The following GALNTL6 variants were observed in gnomAD, a reference collection of about 807,000 sequenced individuals.
GALNTL6 encodes the protein polypeptide N-acetylgalactosaminyltransferase-like 6.
A neutral mutation model predicts 73.7 loss-of-function variants in GALNTL6; 46 were observed. That is an observed-to-expected ratio of 0.62 (90% CI 0.49 to 0.80). GALNTL6 has a LOEUF of 0.80. Ranked by LOEUF, GALNTL6 falls within the 30% of genes least tolerant of loss-of-function variation. The probability of loss-of-function intolerance (pLI) is 0.00; values close to 1 mark genes in which losing one functional copy is unlikely to be tolerated. For missense variants in GALNTL6, 604 were observed against 755.0 expected, an observed-to-expected ratio of 0.80 and a Z score of 2.34; for synonymous variants, 259 against 263.7, an observed-to-expected ratio of 0.98 and a Z score of 0.17.
chr4:172,336,670 G>T (rs1191246591), intron 4 of GALNTL6, among the ~76,000 whole-genome samples: 1 of 152,118 alleles, frequency 6.6e-6, no homozygotes, highest in Non-Finnish European at 1.5e-5. Context: ...AATGCATGTG[G>T]CCAGTCTTGG....
intron 11 of GALNTL6, among the ~76,000 whole-genome samples, chr4:173,018,907 T>C (rs1752884166): frequency 1.3e-5 from 2 of 152,144 alleles, no homozygotes; most frequent in Admixed American, 6.5e-5. Flanking sequence ...GATTTTAGAT[T>C]GAGAGGGAAC....
Position 171,832,808 on chromosome 4 carries a change from A to G in GALNTL6, c.138+18090A>G, listed in dbSNP as rs78390407. 7.9e-3 allele frequency among the ~76,000 whole-genome samples: 1,193 copies of G among 151,824 alleles called. 20 individuals are homozygous for G. The highest frequency in any genetic ancestry group is 0.027 in the African/African-American group (1,133 of 41,520). The stretch of plus-strand genomic sequence containing the variant: ...TAAAGTTAAAGGATAAAAGGTAAGT[A>G]GGTCTACACTAGCTGGTGGTAAGCA... On this transcript the variant is annotated intron_variant, in intron 2 of 12. Transcript: ENST00000506823.
chr4:171,821,640 GATATATAT>G (rs3080305), intron 2 of GALNTL6, among the ~76,000 whole-genome samples: 29 of 146,270 alleles, frequency 2.0e-4, no homozygotes, highest in African/African-American at 7.1e-4. Context: ...AGGCTTAACG[GATATATAT>G]ATATATATAT....
chr4:172,514,803 A>G (rs187592080), intron 5 of GALNTL6, among the ~76,000 whole-genome samples: 50 of 152,218 alleles, frequency 3.3e-4, no homozygotes, highest in Non-Finnish European at 6.0e-4. Flanking sequence ...TTCTACTTTT[A>G]TATTTTACTC....
chr4:172,845,991 G>A (rs536581543), intron 7 of GALNTL6, among the ~76,000 whole-genome samples: 17 of 152,256 alleles, frequency 1.1e-4, no homozygotes, highest in African/African-American at 4.1e-4. Flanking sequence ...CACAAATAAC[G>A]TTTATAACAG....
intron 5 of GALNTL6, among the ~76,000 whole-genome samples, chr4:172,638,083 C>G (rs1239559556): frequency 6.6e-6 from 1 of 152,086 alleles, no homozygotes; most frequent in Non-Finnish European, 1.5e-5. Flanking sequence ...GCTCATGTCT[C>G]CCATAGTCAT....
At chr4:172,340,252 T>C (rs936370235) in intron 4 of GALNTL6, among the ~76,000 whole-genome samples, 4 of 152,360 alleles carry the variant, frequency 2.6e-5, no homozygotes, top group Non-Finnish European at 4.4e-5. Flanking sequence ...GAGATGATCA[T>C]GTGGTTTTAT....
At chr4:172,285,414 T>C (rs1739211524) in intron 3 of GALNTL6, among the ~76,000 whole-genome samples, 1 of 152,164 alleles carries the variant, frequency 6.6e-6, no homozygotes, top group African/African-American at 2.4e-5. Context: ...GAAAGTCAGT[T>C]ATAGTTAATG....
chr4:172,339,257 C>CCACACACACACACACA lies in GALNTL6; in HGVS notation c.387-9223_387-9208dup, dbSNP rs70941402. Among the ~76,000 whole-genome samples, 712 of 120,966 alleles carry CCACACACACACACACA rather than the reference C, an allele frequency of 5.9e-3. 12 individuals are homozygous for CCACACACACACACACA. The highest frequency in any genetic ancestry group is 0.015 in the East Asian group (55 of 3,616). 79.4% of individuals were successfully genotyped at this position (120,966 alleles called of 152,430 possible). A position where few individuals can be genotyped will look rare whatever the true frequency, so the allele number is the denominator to read the frequency against. On this transcript the variant is annotated intron_variant, in intron 4 of 12. Coordinates refer to ENST00000506823, the MANE Select transcript of GALNTL6 (RefSeq NM_001034845.3). The stretch of plus-strand genomic sequence containing the variant: ...GGCACCCAGCAAACACACACACACA[C>CCACACACACACACACA]CACACACACACACACACACACACAC...
intron 8 of GALNTL6, among the ~76,000 whole-genome samples, chr4:172,896,663 T>C (rs1746347332): frequency 6.6e-6 from 1 of 152,142 alleles, no homozygotes; most frequent in Non-Finnish European, 1.5e-5. Flanking sequence ...TGGCTCAAAC[T>C]GTACATGTTT....
intron 8 of GALNTL6, among the ~76,000 whole-genome samples, chr4:172,918,319 C>T (rs1003924546): frequency 3.3e-5 from 5 of 151,594 alleles, no homozygotes; most frequent in Admixed American, 2.6e-4. Context: ...CACATGAACA[C>T]GGCACATGTA....
chr4:172,599,725 A>T (rs577475677), intron 5 of GALNTL6, among the ~76,000 whole-genome samples: 19 of 152,164 alleles, frequency 1.2e-4, no homozygotes, highest in Non-Finnish European at 2.5e-4. Flanking sequence ...GAGCCATGAC[A>T]TCACTAAGAT....
At chr4:172,161,830 G>A (rs1048998269) in intron 2 of GALNTL6, among the ~76,000 whole-genome samples, 4 of 151,988 alleles carry the variant, frequency 2.6e-5, no homozygotes, top group Non-Finnish European at 5.9e-5. Flanking sequence ...TTGACTTTGT[G>A]TAGCACTTGT....
At chr4:171,838,538 T>C (rs1579498672) in intron 2 of GALNTL6, among the ~76,000 whole-genome samples, 1 of 152,196 alleles carries the variant, frequency 6.6e-6, no homozygotes, top group African/African-American at 2.4e-5. Flanking sequence ...AAGAGCCTCA[T>C]AGATATTTAG....
intron 2 of GALNTL6, among the ~76,000 whole-genome samples, chr4:172,110,066 TTC>T (rs369348526): frequency 1.0e-3 from 155 of 152,318 alleles, no homozygotes; most frequent in Non-Finnish European, 2.0e-3. Context: ...AAACAGAATA[TTC>T]TCTTTCTTTT....
intron 5 of GALNTL6, among the ~76,000 whole-genome samples, chr4:172,634,486 C>T (rs1338044270): frequency 1.3e-5 from 2 of 152,102 alleles, no homozygotes; most frequent in Admixed American, 6.6e-5. Context: ...AGTGTATGTA[C>T]TCCTTGGTCT....
At chr4:172,879,430 T>C (rs1241166705) in intron 7 of GALNTL6, among the ~76,000 whole-genome samples, 1 of 151,900 alleles carries the variant, frequency 6.6e-6, no homozygotes, top group Non-Finnish European at 1.5e-5. Context: ...AAGTGTATTC[T>C]CTGACCACAA....
At chr4:172,782,989 C>T (rs1279527381) in intron 5 of GALNTL6, among the ~76,000 whole-genome samples, 1 of 152,002 alleles carries the variant, frequency 6.6e-6, no homozygotes, top group African/African-American at 2.4e-5. Context: ...CAGTAATTGG[C>T]AGTTACAAAT....
At chr4:172,396,070 TG>T (rs1176090732) in intron 5 of GALNTL6, among the ~76,000 whole-genome samples, 2 of 152,096 alleles carry the variant, frequency 1.3e-5, no homozygotes, top group African/African-American at 4.8e-5. Context: ...ACCCACATTT[TG>T]TCAACTTCAG....
Sources: gnomAD v4.1 joint callset for allele counts (sites outside exome capture counted in the v4.1 genomes callset) on GRCh38, gnomAD v4.1.1 for gene constraint, MANE v1.5 for transcripts, NCBI Gene and HGNC (gene_info 2026-07-23, HGNC 2026-07-21) for gene names.